TENM1: variants seen among roughly 807,000 people sequenced by gnomAD.
TENM1 encodes teneurin transmembrane protein 1, also known as teneurin-1.
In TENM1, 35 loss-of-function variants were observed where a neutral mutation model predicts 174.8. The observed-to-expected ratio is 0.20, with a 90% CI of 0.15 to 0.27. TENM1 has a LOEUF of 0.27. Ranked by LOEUF, TENM1 falls within the 10% of genes least tolerant of loss-of-function variation. TENM1 has a pLI of 1.00. For synonymous variants in TENM1, 781 were observed against 798.7 expected (o/e 0.98, Z 0.37); for missense variants, 1,633 against 2,130.1 (o/e 0.77, Z 4.59).
chrX:124,959,032 C>A (rs1490060339), intron 1 of TENM1, among the ~76,000 whole-genome samples: 1 of 111,508 alleles, frequency 9.0e-6, no homozygotes, highest in East Asian at 2.8e-4. Context: ...TGATCTAAAA[C>A]TCAATTATTT....
chrX:124,448,753 C>T (rs1266000379), intron 23 of TENM1, among the ~76,000 whole-genome samples: 1 of 111,841 alleles, frequency 8.9e-6, no homozygotes, highest in Non-Finnish European at 1.9e-5. Flanking sequence ...GGGTTGGATA[C>T]ACAGTTTGCC....
chrX:125,185,642 C>CCTTG, the TENM1 span, among the ~76,000 whole-genome samples: 1 of 112,224 alleles, frequency 8.9e-6, no homozygotes, highest in East Asian at 2.8e-4. Context: ...AATGCACATA[C>CCTTG]CTTGATAGGT....
In TENM1 at chrX:124,894,279, T is replaced by C. The variant is rs2057523653; in HGVS notation, c.535+17A>G. On this transcript the variant is annotated intron_variant, in intron 3 of 31. Coordinates refer to ENST00000422452, the Ensembl canonical transcript of TENM1. ...GAAGTAAAAATAATTTGTGATCAAATATTTGAAAACACTTGCCTTGAGTAG... is the reference window on the plus strand; with the variant it reads ...GAAGTAAAAATAATTTGTGATCAAACATTTGAAAACACTTGCCTTGAGTAG... 1 of 1,187,294 alleles carries C rather than the reference T, an allele frequency of 8.4e-7. No homozygotes were observed. The highest frequency in any genetic ancestry group is 1.1e-6 in the Non-Finnish European group (1 of 878,062).
intron 11 of TENM1, among the ~76,000 whole-genome samples, chrX:124,593,492 G>A (rs1187791330): frequency 9.0e-6 from 1 of 111,210 alleles, no homozygotes; most frequent in African/African-American, 3.3e-5. Context: ...GTCCGTGAAG[G>A]GTGAGGCGGC....
intron 11 of TENM1, among the ~76,000 whole-genome samples, chrX:124,589,171 A>C (rs188245307): frequency 0.012 from 1,269 of 107,049 alleles, 18 homozygotes; most frequent in African/African-American, 0.04. Flanking sequence ...TGGTCATATG[A>C]CTTTTGTTTT....
the TENM1 span, among the ~76,000 whole-genome samples, chrX:125,047,489 G>A: frequency 9.0e-6 from 1 of 111,159 alleles, no homozygotes; most frequent in African/African-American, 3.3e-5. Flanking sequence ...CAAATATCTG[G>A]CCAGGTTAAG....
At chrX:124,504,085 G>A (rs1184257425) in intron 18 of TENM1, among the ~76,000 whole-genome samples, 1 of 111,817 alleles carries the variant, frequency 8.9e-6, no homozygotes. Context: ...TAGGAGAAGT[G>A]CAGGTAGGGC....
intron 3 of TENM1, among the ~76,000 whole-genome samples, chrX:124,762,219 C>G (rs1241566131): frequency 1.8e-5 from 2 of 112,122 alleles, no homozygotes; most frequent in Middle Eastern, 9.2e-3. Flanking sequence ...TAAACCTAAT[C>G]ATCCCCCAAA....
intron 27 of TENM1, among the ~76,000 whole-genome samples, chrX:124,403,886 C>T (rs1305349904): frequency 9.0e-6 from 1 of 111,366 alleles, no homozygotes; most frequent in African/African-American, 3.3e-5. Flanking sequence ...TCTGCCCTGA[C>T]TCCCGCCAAA....
At chrX:125,120,206 T>C in the TENM1 span, among the ~76,000 whole-genome samples, 26 of 105,035 alleles carry the variant, frequency 2.5e-4, no homozygotes, top group Non-Finnish European at 3.5e-4. Flanking sequence ...CAACATTTCC[T>C]ATTTTTTTTA....
the TENM1 span, among the ~76,000 whole-genome samples, chrX:125,124,332 C>T: frequency 3.6e-5 from 4 of 111,755 alleles, no homozygotes; most frequent in Admixed American, 1.9e-4. Flanking sequence ...AATTTAGTGA[C>T]GTGCTTTTTG....
chrX:124,953,886 T>C (rs1042872894), intron 1 of TENM1, among the ~76,000 whole-genome samples: 4 of 111,726 alleles, frequency 3.6e-5, no homozygotes, highest in Admixed American at 1.9e-4. Context: ...GGGTTGAACA[T>C]AGAATTGAGC....
chrX:124,962,926 A>T (rs959090449), intron 1 of TENM1, among the ~76,000 whole-genome samples: 1 of 112,771 alleles, frequency 8.9e-6, no homozygotes, highest in African/African-American at 3.2e-5. Flanking sequence ...CAGTTTATCT[A>T]TCAATTGGAA....
At chrX:124,828,462 A>C (rs1030064334) in intron 3 of TENM1, among the ~76,000 whole-genome samples, 3 of 112,425 alleles carry the variant, frequency 2.7e-5, no homozygotes, top group Non-Finnish European at 5.6e-5. Context: ...GCAGTTTATG[A>C]GTCAAGAACT....
chrX:125,108,134 C>T, the TENM1 span, among the ~76,000 whole-genome samples: 151 of 111,970 alleles, frequency 1.3e-3, no homozygotes, highest in Middle Eastern at 9.3e-3. Context: ...ACCCTCCATA[C>T]TCCATGCCTC....
chrX:125,081,682 C>G, the TENM1 span, among the ~76,000 whole-genome samples: 1 of 110,437 alleles, frequency 9.1e-6, no homozygotes, highest in Non-Finnish European at 1.9e-5. Flanking sequence ...AAGAAAAAGA[C>G]ACCTACACTT....
intron 3 of TENM1, among the ~76,000 whole-genome samples, chrX:124,807,027 C>G (rs944292601): frequency 9.9e-5 from 11 of 111,600 alleles, no homozygotes; most frequent in Admixed American, 9.5e-4. Flanking sequence ...ACAATCATGG[C>G]AGAAGGCTAA....
intron 4 of TENM1, among the ~76,000 whole-genome samples, 192 bp from the exon 8 acceptor site, chrX:124,705,443 T>A (rs1046721380): frequency 9.0e-6 from 1 of 111,671 alleles, no homozygotes; most frequent in African/African-American, 3.3e-5. Flanking sequence ...TCTTTGTCTT[T>A]TTTTTTCTTT....
chrX:124,416,753 C>G (rs890993504), intron 25 of TENM1, among the ~76,000 whole-genome samples: 14 of 111,772 alleles, frequency 1.3e-4, no homozygotes, highest in Non-Finnish European at 2.4e-4. Context: ...CTGAATTTGT[C>G]CCCCTAAATT....
Sources: gnomAD v4.1 joint callset for allele counts (sites outside exome capture counted in the v4.1 genomes callset) on GRCh38, gnomAD v4.1.1 for gene constraint, MANE v1.5 for transcripts, NCBI Gene and HGNC (gene_info 2026-07-23, HGNC 2026-07-21) for gene names.